GRAMD1B: variants seen among roughly 807,000 people sequenced by gnomAD.
GRAMD1B encodes the protein GRAM domain containing 1B, also known as protein Aster-B.
Under a neutral mutation model 99.7 loss-of-function variants are expected in GRAMD1B, and 37 were observed. The observed-to-expected ratio is 0.37, with a 90% CI of 0.29 to 0.49. The LOEUF is 0.49. Among genes scored for constraint, GRAMD1B ranks in the 20% least tolerant of loss-of-function variants. GRAMD1B has a pLI of 0.98. For missense variants in GRAMD1B, 888 were observed against 1,009.2 expected (o/e 0.88, Z 1.63); for synonymous variants, 427 against 387.6 (o/e 1.10, Z -1.19).
At chr11:123,437,022 C>T (rs539160038) in intron 1 of GRAMD1B, among the ~76,000 whole-genome samples, 238 of 152,182 alleles carry the variant, frequency 1.6e-3, no homozygotes, top group African/African-American at 5.4e-3. Flanking sequence ...TTTGTCCTTG[C>T]GATAGTTTGC....
chr11:123,483,392 T>C (rs1375691375), intron 2 of GRAMD1B, among the ~76,000 whole-genome samples: 1 of 89,376 alleles, frequency 1.1e-5, no homozygotes, highest in African/African-American at 3.8e-5. Flanking sequence ...TTTCTTTTTC[T>C]TTTTTTTTTT....
intron 1 of GRAMD1B, among the ~76,000 whole-genome samples, chr11:123,453,519 G>C: frequency 6.6e-6 from 1 of 152,076 alleles, no homozygotes; most frequent in Non-Finnish European, 1.5e-5. Flanking sequence ...GTTTCGCCAT[G>C]TTGGGCAGGC....
At chr11:123,516,537 C>T (rs1418176736) in intron 2 of GRAMD1B, among the ~76,000 whole-genome samples, 1 of 152,182 alleles carries the variant, frequency 6.6e-6, no homozygotes, top group Non-Finnish European at 1.5e-5. Flanking sequence ...CTCTTGTCTC[C>T]ATAAAGGATG....
chr11:123,598,240 T>A (rs1314187526), intron 7 of GRAMD1B: 9 of 1,403,896 alleles, frequency 6.4e-6, no homozygotes, highest in Non-Finnish European at 8.1e-6. Flanking sequence ...ACAGTTGTAG[T>A]TGATATTTAG....
At chr11:123,556,657 G>T (rs1012221166) in intron 2 of GRAMD1B, among the ~76,000 whole-genome samples, 4 of 152,214 alleles carry the variant, frequency 2.6e-5, no homozygotes, top group African/African-American at 4.8e-5. Context: ...TTAATTCAGA[G>T]AAAGGTACCC....
chr11:123,536,848 G>A (rs1944017230), intron 2 of GRAMD1B, among the ~76,000 whole-genome samples: 1 of 152,116 alleles, frequency 6.6e-6, no homozygotes, highest in Admixed American at 6.5e-5. Flanking sequence ...ATGGTCACTT[G>A]ACCACTGCAC....
intron 4 of GRAMD1B, among the ~76,000 whole-genome samples, chr11:123,589,630 A>G (rs1286464012): frequency 6.9e-6 from 1 of 145,940 alleles, no homozygotes; most frequent in Non-Finnish European, 1.5e-5. Context: ...ATATATATAT[A>G]TATATATTTG....
intron 1 of GRAMD1B, among the ~76,000 whole-genome samples, chr11:123,385,392 C>T (rs1565464195): frequency 6.6e-6 from 1 of 152,302 alleles, no homozygotes; most frequent in East Asian, 1.9e-4. Context: ...CCTCTCAAAC[C>T]CGTCATTAGT....
rs546099621 is a variant in GRAMD1B, at chr11:123,378,238, T to A, written c.-176+19439T>A. 2.7e-3 allele frequency among the ~76,000 whole-genome samples: 416 copies of A among 152,306 alleles called. 3 individuals carry two copies. The highest frequency in any genetic ancestry group is 9.6e-3 in the African/African-American group (398 of 41,538). On this transcript the variant is annotated intron_variant, in intron 1 of 20. Coordinates refer to the GRAMD1B transcript ENST00000638157. ...GGAAGACCTGCATTGGCACCCAGGTTGATCTGACTTCAAAGCCTGCATTTT... is the reference window on the plus strand; with the variant it reads ...GGAAGACCTGCATTGGCACCCAGGTAGATCTGACTTCAAAGCCTGCATTTT...
Position 123,618,795 on chromosome 11 carries a change from A to C in GRAMD1B, c.2421A>C (p.Gln807His), listed in dbSNP as rs752169349. ...TLTAWQGLRL[Q>H]ERLPQSQTEW... ...CTGCCTGGCAGGGTCTAAGGCTCCA[A>C]GAAAGGTAATCCTGGCCTCGTCCCC... Residue 807 changes from glutamine (Q) to histidine (H), a missense_variant, in exon 18 of 20, where the codon CAA (glutamine) becomes CAC (histidine). By Grantham distance (24) the Gln-to-His change is conservative. Coordinates refer to ENST00000635736, the MANE Select transcript of GRAMD1B (RefSeq NM_001387025.1). 1 of 1,517,778 alleles carries C rather than the reference A, an allele frequency of 6.6e-7. No individual in the cohort carries two copies. Among genetic ancestry groups the C allele is most frequent in the Non-Finnish European group, 9.0e-7 (1 of 1,109,060 alleles). The allele number at this position is 1,517,778 out of a possible 1,614,324, so 94.0% of individuals were successfully genotyped here.
intron 1 of GRAMD1B, among the ~76,000 whole-genome samples, chr11:123,398,446 T>C (rs1264961191): frequency 6.6e-6 from 1 of 152,174 alleles, no homozygotes; most frequent in African/African-American, 2.4e-5. Flanking sequence ...CACCTTCAAA[T>C]AGATCGACAT....
intron 2 of GRAMD1B, among the ~76,000 whole-genome samples, chr11:123,516,528 T>C (rs906111816): frequency 1.3e-5 from 2 of 152,218 alleles, no homozygotes; most frequent in African/African-American, 4.8e-5. Flanking sequence ...AATAGAAAGC[T>C]CTTGTCTCCA....
chr11:123,440,956 T>G lies in GRAMD1B; in HGVS notation c.374+9790T>G, dbSNP rs537559709. Among the ~76,000 whole-genome samples the G allele has an allele frequency of 5.9e-5, 9 of 152,310 alleles. No homozygotes were observed. The South Asian group carries it at 1.2e-3, about 21-fold the overall frequency. On this transcript the variant is annotated intron_variant, in intron 1 of 19. Coordinates refer to ENST00000635736, the MANE Select transcript of GRAMD1B (RefSeq NM_001387025.1). Reference sequence around the variant, plus strand: ...TCATGAAATCTGATAGTTTTAAAAATGGGAATTTCCTTGCACAAGCCCTCT... The same window carrying G: ...TCATGAAATCTGATAGTTTTAAAAAGGGGAATTTCCTTGCACAAGCCCTCT...
At chr11:123,378,611 AT>A (rs757264696) in intron 1 of GRAMD1B, among the ~76,000 whole-genome samples, 3 of 152,216 alleles carry the variant, frequency 2.0e-5, no homozygotes, top group Non-Finnish European at 4.4e-5. Context: ...CCCCAAGGAT[AT>A]AGCAGAGACC....
chr11:123,507,230 C>T (rs1397170358), intron 2 of GRAMD1B, among the ~76,000 whole-genome samples: 1 of 152,202 alleles, frequency 6.6e-6, no homozygotes, highest in Non-Finnish European at 1.5e-5. Context: ...ACATTACAGG[C>T]CTCTGAGCAG....
rs191830952 is a variant in GRAMD1B at position 123,412,845 on chromosome 11, G to A, written c.-176+54046G>A. 6.6e-5 allele frequency among the ~76,000 whole-genome samples: 10 copies of A among 152,182 alleles called. No individual in the cohort carries two copies. The East Asian group carries it at 1.7e-3, about 26-fold the overall frequency. On this transcript the variant is annotated intron_variant, in intron 1 of 20. Transcript: ENST00000638157. ...GGCCCAGGCTGGAGTGCAGTGGCGC[G>A]ATCTCGGCTTACTGCAACGTCTACC...
At chr11:123,584,091 C>T (rs942812145) in intron 3 of GRAMD1B, among the ~76,000 whole-genome samples, 10 of 151,958 alleles carry the variant, frequency 6.6e-5, no homozygotes, top group Non-Finnish European at 1.0e-4. Flanking sequence ...CCTGCCACCC[C>T]GCCCGCGGTG....
chr11:123,515,015 C>T (rs1205640048), intron 2 of GRAMD1B, among the ~76,000 whole-genome samples: 1 of 152,038 alleles, frequency 6.6e-6, no homozygotes, highest in East Asian at 1.9e-4. Context: ...CAACTGCAAA[C>T]CTAAAGGTAA....
intron 2 of GRAMD1B, among the ~76,000 whole-genome samples, chr11:123,490,043 C>A (rs957905245): frequency 1.3e-5 from 2 of 152,106 alleles, no homozygotes; most frequent in Non-Finnish European, 2.9e-5. Flanking sequence ...CCAGTCTGGG[C>A]GTAGAGCAAG....
Sources: gnomAD v4.1 joint callset for allele counts (sites outside exome capture counted in the v4.1 genomes callset) on GRCh38, gnomAD v4.1.1 for gene constraint, MANE v1.5 for transcripts, NCBI Gene and HGNC (gene_info 2026-07-23, HGNC 2026-07-21) for gene names.